The following GRAMD1A variants were observed in gnomAD, a reference collection of about 807,000 sequenced individuals.
GRAMD1A encodes GRAM domain containing 1A, also known as protein Aster-A.
GRAMD1A carries 50 observed loss-of-function variants against 92.0 expected under a neutral mutation model. The observed-to-expected ratio is 0.54, with a 90% CI of 0.43 to 0.69. The LOEUF is 0.69. Among genes scored for constraint, GRAMD1A ranks in the 30% least tolerant of loss-of-function variants. The probability of loss-of-function intolerance (pLI) is 0.00; values close to 1 mark genes in which losing one functional copy is unlikely to be tolerated. For synonymous variants in GRAMD1A, 405 were observed against 403.6 expected (o/e 1.00, Z -0.04); for missense variants, 819 against 978.9 (o/e 0.84, Z 2.18).
rs760348791 is a variant in GRAMD1A at position 35,013,338 on chromosome 19, A to G, written c.689A>G (p.Tyr230Cys). 4 of 1,555,400 alleles carry G rather than the reference A, an allele frequency of 2.6e-6. No individual in the cohort carries two copies. The South Asian group carries it at 3.5e-5, about 14-fold the overall frequency. Reference protein sequence around the residue: ...ELGLTSEDEDYVSPLQLNGLG... With the variant: ...ELGLTSEDEDCVSPLQLNGLG... ...GGCCTCACCAGTGAGGATGAGGACT[A>G]TGTCTCCCCCTTGCAGCTGAACGGT... The change falls in exon 8 of 20, where the codon TAT (tyrosine) becomes TGT (cysteine). Residue 230 changes from tyrosine (Y) to cysteine (C), a missense_variant. By Grantham distance (194) the Tyr-to-Cys change is radical (BLOSUM62 -2). Around this residue, in one of 3 missense-constraint regions of GRAMD1A, gnomAD observed 577 missense variants for 674.6 expected, o/e 0.86. Transcript: ENST00000317991. This position sits in a 1 kb window ranked among gnomAD's most constrained non-coding sequence, Gnocchi z 4.9.
chr19:35,020,498 A>C (rs1365547505), intron 13 of GRAMD1A, among the ~76,000 whole-genome samples: 1 of 152,002 alleles, frequency 6.6e-6, no homozygotes, highest in Non-Finnish European at 1.5e-5. Flanking sequence ...AGATCGGGCC[A>C]CTGCACTTCA....
At position 35,013,001 on chromosome 19, in the gene GRAMD1A, A is replaced by G. The variant is rs1055730863; in HGVS notation, c.607-255A>G. The G allele has an allele frequency of 2.1e-6, 1 of 465,572 alleles. No individual in the cohort carries two copies. Among genetic ancestry groups the G allele is most frequent in the African/African-American group, 1.9e-5 (1 of 51,808 alleles). The allele number at this position is 465,572 out of a possible 1,614,324, so 28.8% of individuals were successfully genotyped here. On this transcript the variant is annotated intron_variant, in intron 7 of 19. Transcript: ENST00000317991. The surrounding 1 kb of genome is among the most constrained non-coding windows in gnomAD (Gnocchi z 4.9). ...AAAAAACAAACAAAAAAAGATATAAAAAAAATGGGAACATTCTCTGGCCAG... is the reference window on the plus strand; with the variant it reads ...AAAAAACAAACAAAAAAAGATATAAGAAAAATGGGAACATTCTCTGGCCAG...
intron 6 of GRAMD1A, among the ~76,000 whole-genome samples, chr19:35,011,010 G>T (rs1292797983): frequency 6.6e-6 from 1 of 151,378 alleles, no homozygotes; most frequent in South Asian, 2.1e-4. Flanking sequence ...GCTGAGACAG[G>T]AGGATGGCTT....
At chr19:34,999,490 T>A (rs1600263582), upstream of GRAMD1A, 2 of 151,780 alleles carry the variant, frequency 1.3e-5, no homozygotes, top group Non-Finnish European at 2.9e-5. Flanking sequence ...ACCACCTGAC[T>A]CTGACCTCTT....
At chr19:35,015,679 G>C (rs775236922) in intron 10 of GRAMD1A, 145 bp from the exon 11 acceptor site, 4 of 692,146 alleles carry the variant, frequency 5.8e-6, no homozygotes, top group Non-Finnish European at 9.3e-6. Flanking sequence ...TGAGTCACAG[G>C]AGGGCTCTGT....
intron 7 of GRAMD1A, 32 bp downstream of exon 7, chr19:35,011,586 G>T: frequency 6.8e-7 from 1 of 1,463,574 alleles, no homozygotes; most frequent in Non-Finnish European, 9.5e-7. Flanking sequence ...GTGGGGATGG[G>T]GGGTTTCCAG....
At chr19:35,009,353 G>T in intron 2 of GRAMD1A, 24 bp downstream of exon 2, 1 of 1,613,636 alleles carries the variant, frequency 6.2e-7, no homozygotes, top group Non-Finnish European at 8.5e-7. Flanking sequence ...CAGGTGGGGT[G>T]GGGAGAGGGC....
intron 1 of GRAMD1A, among the ~76,000 whole-genome samples, chr19:34,995,189 A>G (rs1182250687): frequency 6.6e-6 from 1 of 152,332 alleles, no homozygotes; most frequent in East Asian, 1.9e-4. Context: ...GCCGTTACCC[A>G]GGCCCGGGCT....
At chr19:35,022,239 G>C (rs551431313) in intron 16 of GRAMD1A, among the ~76,000 whole-genome samples, 12 of 152,230 alleles carry the variant, frequency 7.9e-5, no homozygotes, top group Non-Finnish European at 1.0e-4. Flanking sequence ...AGCAGAGCCG[G>C]GGGGGGCTAT....
intron 10 of GRAMD1A, chr19:35,015,078 GGA>G (rs1448586625): frequency 6.5e-6 from 1 of 153,172 alleles, no homozygotes; most frequent in Admixed American, 6.5e-5. Flanking sequence ...GGCTGAGGCA[GGA>G]GGATCGCTTG....
intron 19 of GRAMD1A, chr19:35,023,762 A>G (rs1158270517): frequency 3.9e-6 from 2 of 507,238 alleles, no homozygotes; most frequent in Non-Finnish European, 6.8e-6. Context: ...TCCTGGAGAA[A>G]AGTCCAGAGG....
upstream of GRAMD1A, among the ~76,000 whole-genome samples, chr19:34,999,013 C>A (rs1229724029): frequency 6.6e-6 from 1 of 151,958 alleles, no homozygotes; most frequent in Non-Finnish European, 1.5e-5. Flanking sequence ...TGAGGTACAG[C>A]TGGGGCAGGG....
chr19:35,016,055 C>T, intron 11 of GRAMD1A, 88 bp downstream of exon 11: 1 of 1,408,244 alleles, frequency 7.1e-7, no homozygotes, highest in South Asian at 1.3e-5. Flanking sequence ...GAAGGCACTG[C>T]TAGCCAGTGG....
Position 35,019,189 on chromosome 19 carries a change from A to G in GRAMD1A, c.1214-2A>G. 1 of 1,598,096 alleles carries G rather than the reference A, an allele frequency of 6.3e-7. No individual in the cohort carries two copies. On this transcript the variant is annotated splice_acceptor_variant, in intron 11 of 19. Transcript: ENST00000317991. LOFTEE classifies it high-confidence loss of function. ...TCCTCATGCTGCTCCTCCCTCCTCTAGACGTGACGCTGAGCCCCTGGAGTG... is the reference window on the plus strand; with the variant it reads ...TCCTCATGCTGCTCCTCCCTCCTCTGGACGTGACGCTGAGCCCCTGGAGTG...
chr19:35,006,233 A>G (rs777187540), intron 1 of GRAMD1A, among the ~76,000 whole-genome samples: 23 of 152,290 alleles, frequency 1.5e-4, no homozygotes, highest in Non-Finnish European at 2.2e-4. Flanking sequence ...GAGGCAGGAG[A>G]ATCACTTGAA....
intron 7 of GRAMD1A, 145 bp downstream of exon 7, chr19:35,011,699 C>T: frequency 1.6e-6 from 1 of 630,456 alleles, no homozygotes. Flanking sequence ...CCTCCCTGGG[C>T]CCCACCTGAC....
In GRAMD1A at chr19:35,013,710, G is replaced by A. The variant is rs761326569; in HGVS notation, c.870+19G>A. On this transcript the variant is annotated intron_variant, in intron 9 of 19. Coordinates refer to ENST00000317991, the MANE Select transcript of GRAMD1A (RefSeq NM_020895.5). The surrounding 1 kb of genome is among the most constrained non-coding windows in gnomAD (Gnocchi z 4.9). The stretch of plus-strand genomic sequence containing the variant: ...CCATGGGGTGAGCGGTGGGTTGGAA[G>A]AGGGGTGGGATACTGATAGGAAGAG... The A allele has an allele frequency of 2.5e-6, 4 of 1,595,974 alleles. No homozygotes were observed. The highest frequency in any genetic ancestry group is 2.2e-5 in the East Asian group (1 of 44,644).
At chr19:35,000,176 C>T, upstream of GRAMD1A, 1 of 1,010,624 alleles carries the variant, frequency 9.9e-7, no homozygotes, top group Non-Finnish European at 1.2e-6. This position sits in a 1 kb window ranked among gnomAD's most constrained non-coding sequence, Gnocchi z 4.9. Context: ...TCTGTCCAGT[C>T]CCTCTCTCCC....
In GRAMD1A at chr19:35,000,435, C is replaced by CCTGCT; in HGVS notation, c.-40_-39insTCTGC. On this transcript the variant is annotated 5_prime_UTR_variant, in exon 1 of 20. Coordinates refer to ENST00000317991, the MANE Select transcript of GRAMD1A (RefSeq NM_020895.5). This position sits in a 1 kb window ranked among gnomAD's most constrained non-coding sequence, Gnocchi z 4.9. ...CCCGCGCAGCCCAGCCCTGCCCTGCCCTGCCCTGCCCTGCGCCCGGGGCGC... is the reference window on the plus strand; with the variant it reads ...CCCGCGCAGCCCAGCCCTGCCCTGCCCTGCTCTGCCCTGCCCTGCGCCCGGGGCGC... 1 of 1,236,494 alleles carries CCTGCT rather than the reference C, an allele frequency of 8.1e-7. No homozygotes were observed. 76.6% of individuals were successfully genotyped at this position (1,236,494 alleles called of 1,614,324 possible).
Sources: gnomAD v4.1 joint callset for allele counts (sites outside exome capture counted in the v4.1 genomes callset) on GRCh38, gnomAD v4.1.1 for gene constraint, gnomAD v4.1.1 regional missense constraint, Gnocchi (gnomAD v3.1) non-coding constraint, MANE v1.5 for transcripts, NCBI Gene and HGNC (gene_info 2026-07-23, HGNC 2026-07-21) for gene names.